Variants in ITPKB observed in about 807,000 individuals in gnomAD.
ITPKB encodes inositol-trisphosphate 3-kinase B.
Under a neutral mutation model 69.4 loss-of-function variants are expected in ITPKB, and 13 were observed. The observed-to-expected ratio is 0.19, with a 90% CI of 0.12 to 0.30. The LOEUF is 0.30. Ranked by LOEUF, ITPKB falls within the 10% of genes least tolerant of loss-of-function variation. ITPKB has a pLI of 1.00. For missense variants in ITPKB, 1,240 were observed against 1,250.5 expected (o/e 0.99, Z 0.13); for synonymous variants, 584 against 513.7 (o/e 1.14, Z -1.85).
In ITPKB at chr1:226,724,700, A is replaced by G. The variant is rs1657354210; in HGVS notation, c.1932+10827T>C. 2.0e-5 allele frequency among the ~76,000 whole-genome samples: 3 copies of G among 152,116 alleles called. 1 individual carries two copies. The South Asian group carries it at 6.2e-4, about 32-fold the overall frequency. ...CTCAGGGTTCTTCCCCTCCCCCTAG[A>G]GCTCTTCCATAGCTAAGACTCTATA... On this transcript the variant is annotated intron_variant, in intron 2 of 7. Coordinates refer to ENST00000429204, the MANE Select transcript of ITPKB (RefSeq NM_002221.4).
At position 226,649,425 on chromosome 1, in the gene ITPKB, GTGTGTGCGTA is replaced by G. The variant is rs367653716; in HGVS notation, c.1933-664_1933-655del. Among the ~76,000 whole-genome samples, 805 of 95,300 alleles carry G rather than the reference GTGTGTGCGTA, an allele frequency of 8.4e-3. 3 individuals carry two copies. Among genetic ancestry groups the G allele is most frequent in the African/African-American group, 0.033 (729 of 22,250 alleles). 62.5% of individuals were successfully genotyped at this position (95,300 alleles called of 152,430 possible). Reference sequence around the variant, plus strand: ...GTGTGCATGTGTGATATGTGCATGAGTGTGTGCGTATGTGTGCGTGTGTGTGCATGTGTGA... The same window carrying G: ...GTGTGCATGTGTGATATGTGCATGAGTGTGTGCGTGTGTGTGCATGTGTGA... On this transcript the variant is annotated intron_variant, in intron 2 of 7. Coordinates refer to ENST00000429204, the MANE Select transcript of ITPKB (RefSeq NM_002221.4).
intron 7 of ITPKB, among the ~76,000 whole-genome samples, chr1:226,636,250 T>C (rs1467365154): frequency 6.6e-6 from 1 of 152,038 alleles, no homozygotes; most frequent in Non-Finnish European, 1.5e-5. Context: ...CTCTGGCAGG[T>C]GGCAGGAGGA....
intron 4 of ITPKB, among the ~76,000 whole-genome samples, chr1:226,643,635 C>A (rs915491599): frequency 4.6e-5 from 7 of 152,162 alleles, no homozygotes; most frequent in African/African-American, 7.2e-5. Context: ...GCTTTAGAAA[C>A]CACTGTATTA....
rs143731600 is a variant in ITPKB, at chr1:226,640,133, C to T, written c.2452-475G>A. Reference sequence around the variant, plus strand: ...TGCTCCCGCCCTGAGCTCAGCTTGACTTCCTTTATAATCTACCATCTCTTC... The same window carrying T: ...TGCTCCCGCCCTGAGCTCAGCTTGATTTCCTTTATAATCTACCATCTCTTC... On this transcript the variant is annotated intron_variant, in intron 5 of 7. Coordinates refer to ENST00000429204, the MANE Select transcript of ITPKB (RefSeq NM_002221.4). Among the ~76,000 whole-genome samples, 374 of 152,330 alleles carry T rather than the reference C, an allele frequency of 2.5e-3. 3 individuals are homozygous for T. The highest frequency in any genetic ancestry group is 8.4e-3 in the African/African-American group (349 of 41,582).
intron 2 of ITPKB, among the ~76,000 whole-genome samples, chr1:226,664,435 C>T (rs531879357): frequency 7.7e-4 from 117 of 152,024 alleles, no homozygotes; most frequent in African/African-American, 2.7e-3. Context: ...TGTCCATCTG[C>T]TGTGTGCCGG....
At chr1:226,648,505 T>A (rs1197440776) in intron 3 of ITPKB, among the ~76,000 whole-genome samples, 167 bp downstream of exon 3, 1 of 152,214 alleles carries the variant, frequency 6.6e-6, no homozygotes, top group Admixed American at 6.5e-5. Context: ...CTATGGCATT[T>A]ACAAGGCATT....
intron 2 of ITPKB, among the ~76,000 whole-genome samples, chr1:226,686,448 G>C (rs944083233): frequency 2.6e-5 from 4 of 152,294 alleles, no homozygotes; most frequent in South Asian, 2.1e-4. Context: ...CAAGTCCAGA[G>C]TTTGACCTTT....
At chr1:226,646,670 C>A (rs1312950466) in intron 4 of ITPKB, among the ~76,000 whole-genome samples, 1 of 152,098 alleles carries the variant, frequency 6.6e-6, no homozygotes, top group Non-Finnish European at 1.5e-5. Flanking sequence ...TCCTTTTAGG[C>A]AGATACAGGT....
rs754296170 is a variant in ITPKB at position 226,641,910 on chromosome 1, G to C, written c.2451+11C>G. On this transcript the variant is annotated intron_variant, in intron 5 of 7. Coordinates refer to ENST00000429204, the MANE Select transcript of ITPKB (RefSeq NM_002221.4). The surrounding 1 kb of genome is among the most constrained non-coding windows in gnomAD (Gnocchi z 4.6). ...GTGGGGCCCGAGGCTGCCCTCACTC[G>C]CCGGCCTCACCTTGATTCCCTCGAT... 5.6e-6 allele frequency: 9 copies of C among 1,608,854 alleles called. No homozygotes were observed. Among genetic ancestry groups the C allele is most frequent in the Non-Finnish European group, 7.6e-6 (9 of 1,176,796 alleles).
At position 226,634,595 on chromosome 1, in the gene ITPKB, A is replaced by C; in HGVS notation, c.*76T>G. ...AGGGTCAGTCAGGTGTAAGTGAAGG[A>C]AAAGTTAGGAACGAGAAAGGAAGCA... On this transcript the variant is annotated 3_prime_UTR_variant, in exon 8 of 8. Transcript: ENST00000429204. The surrounding 1 kb of genome is among the most constrained non-coding windows in gnomAD (Gnocchi z 6.3). 1 of 692,944 alleles carries C rather than the reference A, an allele frequency of 1.4e-6. No individual in the cohort carries two copies. The highest frequency in any genetic ancestry group is 2.0e-5 in the Admixed American group (1 of 49,728). 42.9% of individuals were successfully genotyped at this position (692,944 alleles called of 1,614,324 possible).
intron 2 of ITPKB, among the ~76,000 whole-genome samples, chr1:226,649,104 C>T (rs1669119051): frequency 6.6e-6 from 1 of 152,238 alleles, no homozygotes; most frequent in African/African-American, 2.4e-5. Flanking sequence ...ACCAGAGGCA[C>T]CTCTTGCCTG....
intron 2 of ITPKB, among the ~76,000 whole-genome samples, chr1:226,680,711 T>G (rs967419146): frequency 6.6e-6 from 1 of 152,138 alleles, no homozygotes; most frequent in African/African-American, 2.4e-5. Context: ...CTCAGGAAAG[T>G]CAGATCGAGG....
chr1:226,726,687 T>A (rs561354602), intron 2 of ITPKB, among the ~76,000 whole-genome samples: 2 of 145,588 alleles, frequency 1.4e-5, no homozygotes, highest in Non-Finnish European at 3.0e-5. Flanking sequence ...AATTCATAAA[T>A]TTTTTTTTTT....
chr1:226,727,293 C>T (rs1657455106), intron 2 of ITPKB, among the ~76,000 whole-genome samples: 1 of 152,166 alleles, frequency 6.6e-6, no homozygotes, highest in Admixed American at 6.5e-5. Flanking sequence ...AGTCAGTCAT[C>T]AATTGCCATA....
At chr1:226,726,155 T>C (rs1657404384) in intron 2 of ITPKB, among the ~76,000 whole-genome samples, 1 of 152,158 alleles carries the variant, frequency 6.6e-6, no homozygotes, top group East Asian at 1.9e-4. Context: ...ATTTTACAGA[T>C]TGAGGATACC....
intron 7 of ITPKB, among the ~76,000 whole-genome samples, chr1:226,636,239 G>A (rs1049143769): frequency 2.0e-5 from 3 of 152,242 alleles, no homozygotes; most frequent in Non-Finnish European, 4.4e-5. Flanking sequence ...GGCAAAGGGG[G>A]CTCTGGCAGG....
intron 2 of ITPKB, among the ~76,000 whole-genome samples, chr1:226,726,200 G>A (rs1362363506): frequency 6.6e-6 from 1 of 152,202 alleles, no homozygotes; most frequent in Non-Finnish European, 1.5e-5. Context: ...TCAAGTGCTG[G>A]ATCTGAGAGT....
In ITPKB at chr1:226,633,761, C is replaced by A. The variant is rs1558297401; in HGVS notation, c.*910G>T. 2 of 152,248 alleles carry A rather than the reference C, an allele frequency of 1.3e-5. No individual in the cohort carries two copies. The highest frequency in any genetic ancestry group is 2.9e-5 in the Non-Finnish European group (2 of 68,042). 9.4% of individuals were successfully genotyped at this position (152,248 alleles called of 1,614,324 possible). On this transcript the variant is annotated 3_prime_UTR_variant, in exon 8 of 8. Coordinates refer to ENST00000429204, the MANE Select transcript of ITPKB (RefSeq NM_002221.4). ...GACTCTGGGCCCCATGACAGGAGCC[C>A]ATGTATGCAGGCAGGGTTGACCAAC...
chr1:226,642,252 C>T lies in ITPKB; in HGVS notation c.2247-127G>A, dbSNP rs745647132. On this transcript the variant is annotated intron_variant, in intron 4 of 7. Coordinates refer to ENST00000429204, the MANE Select transcript of ITPKB (RefSeq NM_002221.4). This position sits in a 1 kb window ranked among gnomAD's most constrained non-coding sequence, Gnocchi z 6.4. ...CAACAGCTGCAGTCAGCTCAGTGCC[C>T]TGAGTCAAGGCACGTCTTTCCGAGG... is the stretch of plus-strand genomic sequence containing the variant. 5.6e-6 allele frequency: 4 copies of T among 711,458 alleles called. No individual in the cohort carries two copies. Among genetic ancestry groups the T allele is most frequent in the Non-Finnish European group, 9.4e-6 (4 of 424,446 alleles). The allele number at this position is 711,458 out of a possible 1,614,324, so 44.1% of individuals were successfully genotyped here. A position where few individuals can be genotyped will look rare whatever the true frequency, so the allele number is the denominator to read the frequency against.
Sources: allele counts gnomAD v4.1 joint callset (sites outside exome capture counted in the v4.1 genomes callset), GRCh38; gene constraint gnomAD v4.1.1; non-coding constraint Gnocchi (gnomAD v3.1); transcripts MANE v1.5; gene names NCBI Gene and HGNC (gene_info 2026-07-23, HGNC 2026-07-21).